APBA2: variants seen among roughly 807,000 people sequenced by gnomAD.
APBA2 encodes the protein amyloid beta precursor protein binding family A member 2, also known as amyloid-beta A4 precursor protein-binding family A member 2.
A neutral mutation model predicts 75.0 loss-of-function variants in APBA2; 30 were observed. The ratio of observed to expected loss-of-function variants is 0.40; its 90% CI spans 0.30 to 0.54. APBA2 has a LOEUF of 0.54. Ranked by LOEUF, APBA2 falls within the 20% of genes least tolerant of loss-of-function variation. APBA2 has a pLI of 0.49. For synonymous variants in APBA2, 444 were observed against 409.6 expected (o/e 1.08, Z -1.01); for missense variants, 801 against 1,016.1 (o/e 0.79, Z 2.88).
intron 1 of APBA2, among the ~76,000 whole-genome samples, chr15:28,919,779 G>C (rs1317394443): frequency 6.6e-6 from 1 of 152,168 alleles, no homozygotes; most frequent in East Asian, 1.9e-4. Flanking sequence ...GCTCCCCCAG[G>C]TCATCCTGAT....
At chr15:29,065,377 C>T (rs768130282) in intron 4 of APBA2, among the ~76,000 whole-genome samples, 3 of 152,118 alleles carry the variant, frequency 2.0e-5, no homozygotes, top group Non-Finnish European at 2.9e-5. Context: ...GTGTGCTTGC[C>T]CAAGATGTGA....
At chr15:29,110,772 G>T (rs1459457805) in intron 13 of APBA2, among the ~76,000 whole-genome samples, 2 of 152,188 alleles carry the variant, frequency 1.3e-5, no homozygotes, top group Non-Finnish European at 2.9e-5. Context: ...AACATGAATG[G>T]GAAAGGAGGG....
intron 3 of APBA2, among the ~76,000 whole-genome samples, chr15:29,025,305 G>A (rs1023577150): frequency 2.1e-5 from 3 of 144,834 alleles, no homozygotes; most frequent in Admixed American, 7.1e-5. Flanking sequence ...TTGTTCTGTC[G>A]CCCAGGCTGG....
chr15:29,083,582 G>C (rs1023438910), intron 6 of APBA2, among the ~76,000 whole-genome samples: 5 of 152,168 alleles, frequency 3.3e-5, no homozygotes, highest in African/African-American at 1.2e-4. Context: ...CCAGGCTGGA[G>C]TGCAATGGCG....
At chr15:29,073,037 G>A (rs1220571721) in intron 4 of APBA2, among the ~76,000 whole-genome samples, 2 of 152,158 alleles carry the variant, frequency 1.3e-5, no homozygotes, top group Non-Finnish European at 2.9e-5. Flanking sequence ...ATCCTGGAGG[G>A]GAGGCTTAGC....
intron 3 of APBA2, among the ~76,000 whole-genome samples, chr15:29,021,759 C>T (rs189069887): frequency 2.0e-5 from 3 of 152,258 alleles, no homozygotes; most frequent in African/African-American, 7.2e-5. Flanking sequence ...TTACTCAGCT[C>T]GGACAGCTGA....
intron 4 of APBA2, among the ~76,000 whole-genome samples, chr15:29,058,850 C>T (rs1266887910): frequency 2.0e-5 from 3 of 151,382 alleles, no homozygotes; most frequent in Middle Eastern, 3.2e-3. Context: ...AAATCTTTTG[C>T]CATGTGGCAT....
intron 3 of APBA2, among the ~76,000 whole-genome samples, chr15:29,009,509 A>G (rs954013824): frequency 6.6e-6 from 1 of 152,164 alleles, no homozygotes; most frequent in Non-Finnish European, 1.5e-5. Context: ...TACCATCCAG[A>G]CTAGGAAACA....
At chr15:29,115,184 C>T (rs909164130) in intron 14 of APBA2, among the ~76,000 whole-genome samples, 1 of 133,292 alleles carries the variant, frequency 7.5e-6, no homozygotes, top group Admixed American at 8.8e-5. Flanking sequence ...CAGGCCGGGC[C>T]GTCTGTGGTG....
chr15:29,069,375 T>TAAA (rs1451685639), intron 4 of APBA2, among the ~76,000 whole-genome samples: 2 of 152,264 alleles, frequency 1.3e-5, no homozygotes, highest in Non-Finnish European at 2.9e-5. Context: ...GGTGTATCAC[T>TAAA]AGGAGTGGAA....
chr15:29,045,212 G>A (rs1378776925), intron 3 of APBA2, among the ~76,000 whole-genome samples: 1 of 150,946 alleles, frequency 6.6e-6, no homozygotes, highest in Non-Finnish European at 1.5e-5. Context: ...CCAAGTAGCT[G>A]GGATTACAGG....
chr15:29,054,652 A>G lies in APBA2; in HGVS notation c.768A>G (p.Pro256=). Residue 256 remains proline (P), a synonymous_variant, in exon 4 of 15, where the codon CCA becomes CCG. Transcript: ENST00000683413. The surrounding 1 kb of genome is among the most constrained non-coding windows in gnomAD (Gnocchi z 6.1). ...CCAGCCCCGAGCATGGGCCTGAGCC[A>G]GGGCCTGAGGACTCTGTAGAGGCCT... ...SEASPEHGPE[P]GPEDSVEACP... 5 of 1,614,118 alleles carry G rather than the reference A, an allele frequency of 3.1e-6. No homozygotes were observed. The highest frequency in any genetic ancestry group is 2.2e-5 in the South Asian group (2 of 91,078).
At chr15:29,058,025 C>G (rs2041977994) in intron 4 of APBA2, among the ~76,000 whole-genome samples, 1 of 152,168 alleles carries the variant, frequency 6.6e-6, no homozygotes, top group African/African-American at 2.4e-5. Context: ...ATGTCCTCAT[C>G]TTTAGTACAT....
intron 2 of APBA2, among the ~76,000 whole-genome samples, chr15:28,936,141 G>A (rs967069334): frequency 2.6e-5 from 4 of 152,294 alleles, no homozygotes; most frequent in Admixed American, 6.5e-5. Context: ...ATTAGAAGCG[G>A]CCCTGTACAT....
intron 3 of APBA2, among the ~76,000 whole-genome samples, chr15:29,005,633 G>A (rs1023678622): frequency 6.6e-6 from 1 of 152,180 alleles, no homozygotes; most frequent in African/African-American, 2.4e-5. Context: ...GGGAGGCCAA[G>A]GCAGGTGGAT....
rs151214981 is a variant in APBA2 at position 29,034,838 on chromosome 15, G to A, written c.-40-19007G>A. Among the ~76,000 whole-genome samples, 174 of 152,356 alleles carry A rather than the reference G, an allele frequency of 1.1e-3. 1 individual carries two copies. Among genetic ancestry groups the A allele is most frequent in the Non-Finnish European group, 3.7e-4 (25 of 68,034 alleles). On this transcript the variant is annotated intron_variant, in intron 3 of 14. Coordinates refer to ENST00000683413, the MANE Select transcript of APBA2 (RefSeq NM_001353788.2). The stretch of plus-strand genomic sequence containing the variant: ...GCCCAAGAGTTTCTGTGTTTGTGGA[G>A]TTCCCAGGTGACACTGATGCTGCTG...
intron 3 of APBA2, among the ~76,000 whole-genome samples, chr15:29,018,523 A>G (rs2039792918): frequency 6.6e-6 from 1 of 152,202 alleles, no homozygotes; most frequent in South Asian, 2.1e-4. Flanking sequence ...CAGACAAGTC[A>G]TCAGGGCTGG....
At chr15:28,888,006 C>T (rs1333438256) in intron 1 of APBA2, among the ~76,000 whole-genome samples, 1 of 152,156 alleles carries the variant, frequency 6.6e-6, no homozygotes, top group South Asian at 2.1e-4. Context: ...GTTGGGTGGG[C>T]GCTGGAAGGA....
chr15:29,053,245 G>T (rs1359415909), intron 3 of APBA2, among the ~76,000 whole-genome samples: 1 of 152,250 alleles, frequency 6.6e-6, no homozygotes, highest in Non-Finnish European at 1.5e-5. Context: ...AGCCTGCCAC[G>T]CTGGGGACTT....
Sources: allele counts gnomAD v4.1 joint callset (sites outside exome capture counted in the v4.1 genomes callset), GRCh38; gene constraint gnomAD v4.1.1; non-coding constraint Gnocchi (gnomAD v3.1); transcripts MANE v1.5; gene names NCBI Gene and HGNC (gene_info 2026-07-23, HGNC 2026-07-21).